IGSF10: variants seen among roughly 807,000 people sequenced by gnomAD.
The protein encoded by IGSF10 is calvaria mechanical force protein 608.
Under a neutral mutation model 128.2 loss-of-function variants are expected in IGSF10, and 126 were observed. The ratio of observed to expected loss-of-function variants is 0.98; its 90% CI spans 0.85 to 1.14. The LOEUF (loss-of-function observed/expected upper bound fraction) is 1.14, where lower values mean the gene tolerates loss of function less well. Ranked by LOEUF, IGSF10 falls within the 50% of genes most tolerant of loss-of-function variation. The pLI is 0.00. For missense variants in IGSF10, 3,295 were observed against 3,149.8 expected (o/e 1.05, Z -1.10); for synonymous variants, 1,185 against 1,146.2 (o/e 1.03, Z -0.68).
At chr3:151,480,801 T>C in the IGSF10 span, among the ~76,000 whole-genome samples, 3 of 151,968 alleles carry the variant, frequency 2.0e-5, no homozygotes, top group African/African-American at 7.2e-5. Context: ...ACTGAAGTAA[T>C]ACCCCACCCC....
chr3:151,540,164 G>A, the IGSF10 span, among the ~76,000 whole-genome samples: 10,629 of 152,122 alleles, frequency 0.07, 480 homozygotes, highest in East Asian at 0.17. Flanking sequence ...ATAGAAGTAT[G>A]AAATAAACAC....
chr3:151,580,695 A>G, the IGSF10 span, among the ~76,000 whole-genome samples: 1 of 152,206 alleles, frequency 6.6e-6, no homozygotes, highest in Non-Finnish European at 1.5e-5. Context: ...ATCTGTCTAT[A>G]AGGGAGCTTA....
At chr3:151,545,012 A>G in the IGSF10 span, among the ~76,000 whole-genome samples, 1 of 151,928 alleles carries the variant, frequency 6.6e-6, no homozygotes, top group Non-Finnish European at 1.5e-5. Context: ...TGAATTTTCT[A>G]TTTTAGTTAT....
At chr3:151,537,540 C>A in the IGSF10 span, among the ~76,000 whole-genome samples, 1 of 152,092 alleles carries the variant, frequency 6.6e-6, no homozygotes, top group Non-Finnish European at 1.5e-5. Flanking sequence ...GTACATGATG[C>A]TATGATGAAG....
At chr3:151,509,939 C>T in the IGSF10 span, among the ~76,000 whole-genome samples, 1 of 152,192 alleles carries the variant, frequency 6.6e-6, no homozygotes, top group East Asian at 1.9e-4. Context: ...GGGGCACCCA[C>T]CATTGCTCAG....
At chr3:151,600,658 T>A in the IGSF10 span, among the ~76,000 whole-genome samples, 5 of 152,264 alleles carry the variant, frequency 3.3e-5, no homozygotes, top group African/African-American at 1.2e-4. Flanking sequence ...TTGTGTATTT[T>A]AACTTTGAAA....
chr3:151,436,469 A>T lies in IGSF10; in HGVS notation c.*220T>A. 1 of 416,414 alleles carries T rather than the reference A, an allele frequency of 2.4e-6. No homozygotes were observed. Among genetic ancestry groups the T allele is most frequent in the Non-Finnish European group, 4.2e-6 (1 of 236,324 alleles). 25.8% of individuals were successfully genotyped at this position (416,414 alleles called of 1,614,324 possible). On this transcript the variant is annotated 3_prime_UTR_variant, in exon 8 of 8. Coordinates refer to ENST00000282466, the MANE Select transcript of IGSF10 (RefSeq NM_178822.5). ...TTTATTGTTATTTGTTGGCAAAATAAAAGTGCCTTAAGTTAAAAGTTTGTT... is the reference window on the plus strand; with the variant it reads ...TTTATTGTTATTTGTTGGCAAAATATAAGTGCCTTAAGTTAAAAGTTTGTT...
chr3:151,529,005 G>T, the IGSF10 span, among the ~76,000 whole-genome samples: 12 of 151,984 alleles, frequency 7.9e-5, no homozygotes, highest in Admixed American at 6.6e-5. Context: ...TGGGATGCTT[G>T]AGCTTGGTGG....
At chr3:151,470,427 G>A in the IGSF10 span, among the ~76,000 whole-genome samples, 1 of 152,170 alleles carries the variant, frequency 6.6e-6, no homozygotes, top group East Asian at 1.9e-4. Flanking sequence ...TCTTGGACTT[G>A]CAGGATGTTG....
Position 151,447,989 on chromosome 3 carries a change from C to T in IGSF10, c.1992G>A (p.Met664Ile). The T allele has an allele frequency of 6.2e-7, 1 of 1,614,176 alleles. No homozygotes were observed. Among genetic ancestry groups the T allele is most frequent in the Non-Finnish European group, 8.5e-7 (1 of 1,180,034 alleles). The change falls in exon 6 of 8, where the codon ATG becomes ATA. Residue 664 changes from methionine to isoleucine, a missense_variant. By Grantham distance (10) the Met-to-Ile change is conservative. Transcript: ENST00000282466. ...DFLIFQVSVK[M>I]KGQRPLEHDG... ...CATGCTCCAAGGGCCTTTGTCCTTT[C>T]ATCTTGACTGAAACTTGGAAAATCA...
the IGSF10 span, among the ~76,000 whole-genome samples, chr3:151,473,944 A>G: frequency 2.5e-4 from 38 of 151,832 alleles, no homozygotes; most frequent in Non-Finnish European, 4.0e-4. Flanking sequence ...AGGATAAGCT[A>G]GTTTCCACTG....
chr3:151,465,684 G>A (rs1337247932), upstream of IGSF10, among the ~76,000 whole-genome samples: 1 of 152,216 alleles, frequency 6.6e-6, no homozygotes, highest in African/African-American at 2.4e-5. Flanking sequence ...AGTATCATCT[G>A]TCTTTTGGAG....
the IGSF10 span, among the ~76,000 whole-genome samples, chr3:151,509,423 G>C: frequency 4.9e-4 from 74 of 152,242 alleles, 1 homozygote; most frequent in Non-Finnish European, 5.0e-4. Flanking sequence ...TGTTAAACAT[G>C]GACTTATGGA....
Position 151,437,971 on chromosome 3 carries a change from G to A in IGSF10, c.6590C>T (p.Ser2197Phe). 2 of 1,614,196 alleles carry A rather than the reference G, an allele frequency of 1.2e-6. No homozygotes were observed. The highest frequency in any genetic ancestry group is 1.7e-6 in the Non-Finnish European group (2 of 1,180,038). The change falls in exon 8 of 8, where the codon TCT becomes TTT. Residue 2197 changes from serine (S) to phenylalanine (F), a missense_variant. Physicochemically the swap from Ser to Phe is radical, Grantham distance 155. Coordinates refer to ENST00000282466, the MANE Select transcript of IGSF10 (RefSeq NM_178822.5). ...CAGTTTCACTTTGTTGATGGTCAAA[G>A]ACCCATTGGCATGAAATGTGTACCT... is the stretch of plus-strand genomic sequence containing the variant. ...IDRYTFHANG[S>F]LTINKVKLLD...
At chr3:151,452,910 G>A (rs1189646700) in intron 5 of IGSF10, among the ~76,000 whole-genome samples, 6 of 151,958 alleles carry the variant, frequency 3.9e-5, no homozygotes, top group Non-Finnish European at 8.8e-5. Context: ...GAAAGGAAGG[G>A]CTCCAGGCAG....
chr3:151,514,565 T>C, the IGSF10 span, among the ~76,000 whole-genome samples: 2 of 152,112 alleles, frequency 1.3e-5, no homozygotes, highest in African/African-American at 4.8e-5. Context: ...GGGGAAGAAC[T>C]TCATGTCTAA....
the IGSF10 span, among the ~76,000 whole-genome samples, chr3:151,589,866 GC>G: frequency 2.0e-5 from 3 of 152,136 alleles, no homozygotes; most frequent in Non-Finnish European, 4.4e-5. Flanking sequence ...TTCAGTCACA[GC>G]TAGGAATATA....
the IGSF10 span, among the ~76,000 whole-genome samples, chr3:151,617,260 C>CTTCTTCTTCTTCT: frequency 3.6e-4 from 20 of 55,738 alleles, no homozygotes; most frequent in South Asian, 1.1e-3. Context: ...TCTTCTCCTT[C>CTTCTTCTTCTTCT]TCTTCTTCTT....
rs1307497475 is a variant in IGSF10 at position 151,447,068 on chromosome 3, A to C, written c.2913T>G (p.Ser971=). The change falls in exon 6 of 8, where the codon TCT becomes TCG. Residue 971 remains serine (S), a synonymous_variant. Transcript: ENST00000282466. ...AGGTGCTAAGTATTTGAGTAGTGTGAGAATAGAAGTGATTGTGCCTGGGTT... is the reference window on the plus strand; with the variant it reads ...AGGTGCTAAGTATTTGAGTAGTGTGCGAATAGAAGTGATTGTGCCTGGGTT... The part of the protein sequence containing the change: ...VSEPRHNHFY[S]HTTQILSTST... 4.3e-6 allele frequency: 7 copies of C among 1,614,080 alleles called. No homozygotes were observed. In the East Asian group the frequency reaches 6.7e-5, roughly 15 times the overall value.
Sources: gnomAD v4.1 joint callset for allele counts (sites outside exome capture counted in the v4.1 genomes callset) on GRCh38, gnomAD v4.1.1 for gene constraint, MANE v1.5 for transcripts, NCBI Gene and HGNC (gene_info 2026-07-23, HGNC 2026-07-21) for gene names.